The following IL1RAPL2 variants were observed in gnomAD, a reference collection of about 807,000 sequenced individuals.
IL1RAPL2 encodes the protein X-linked interleukin-1 receptor accessory protein-like 2.
Under a neutral mutation model 44.1 loss-of-function variants are expected in IL1RAPL2, and 3 were observed. That is an observed-to-expected ratio of 0.07 (90% CI 0.03 to 0.18). The LOEUF (loss-of-function observed/expected upper bound fraction) is 0.18. Ranked by LOEUF, IL1RAPL2 falls within the 10% of genes least tolerant of loss-of-function variation. The pLI is 1.00. For missense variants in IL1RAPL2, 391 were observed against 496.4 expected (o/e 0.79, Z 2.02); for synonymous variants, 181 against 178.8 (o/e 1.01, Z -0.10).
At chrX:105,075,711 A>C (rs764633044) in intron 2 of IL1RAPL2, among the ~76,000 whole-genome samples, 223 of 111,956 alleles carry the variant, frequency 2.0e-3, no homozygotes, top group African/African-American at 6.0e-3. Context: ...TTATTGCCTC[A>C]ATTTCAGAGC....
At chrX:104,786,585 A>G in intron 2 of IL1RAPL2, among the ~76,000 whole-genome samples, 2 of 111,509 alleles carry the variant, frequency 1.8e-5, no homozygotes, top group East Asian at 5.7e-4. Context: ...TAGCTTAACA[A>G]CTTAACCCCT....
intron 6 of IL1RAPL2, among the ~76,000 whole-genome samples, chrX:105,540,176 C>G (rs1455384426): frequency 9.0e-6 from 1 of 111,624 alleles, no homozygotes; most frequent in Non-Finnish European, 1.9e-5. Context: ...ACCCAGCAAT[C>G]CTGTTATCAG....
In IL1RAPL2 at chrX:105,075,835, T is replaced by C. The variant is rs750611796; in HGVS notation, c.83-119640T>C. Among the ~76,000 whole-genome samples, 4 of 111,977 alleles carry C rather than the reference T, an allele frequency of 3.6e-5. No individual in the cohort carries two copies. In the South Asian group the frequency reaches 1.1e-3, roughly 31 times the overall value. On this transcript the variant is annotated intron_variant, in intron 2 of 10. Transcript: ENST00000372582. ...ATTTTCTAGTTTATTTGTGTAGAGG[T>C]GTTTATGGTATTCTCTGATGGTAGT...
intron 5 of IL1RAPL2, among the ~76,000 whole-genome samples, chrX:105,399,148 T>C (rs1010088502): frequency 1.8e-5 from 2 of 111,786 alleles, no homozygotes; most frequent in African/African-American, 6.5e-5. Flanking sequence ...GCCACAAGAA[T>C]AGGAAGCTGG....
chrX:105,130,947 A>G (rs2033020441), intron 2 of IL1RAPL2, among the ~76,000 whole-genome samples: 1 of 111,255 alleles, frequency 9.0e-6, no homozygotes, highest in Non-Finnish European at 1.9e-5. Context: ...GAAAAGAGGA[A>G]AAGCAAATGT....
chrX:104,597,485 T>C (rs757781844), intron 1 of IL1RAPL2, among the ~76,000 whole-genome samples: 3 of 111,493 alleles, frequency 2.7e-5, no homozygotes, highest in Non-Finnish European at 3.8e-5. Flanking sequence ...TTGAGAAAAG[T>C]ATGGTTCTCT....
At chrX:105,515,307 GATAAA>G (rs937768677) in intron 6 of IL1RAPL2, among the ~76,000 whole-genome samples, 8 of 111,869 alleles carry the variant, frequency 7.2e-5, no homozygotes, top group Admixed American at 5.7e-4. Flanking sequence ...AAACTCTGTA[GATAAA>G]ATAAAATCCA....
chrX:105,662,621 G>C (rs993320485), intron 6 of IL1RAPL2, among the ~76,000 whole-genome samples: 1 of 112,094 alleles, frequency 8.9e-6, no homozygotes, highest in Non-Finnish European at 1.9e-5. Flanking sequence ...ACAAAGGCAG[G>C]TGTGTGTCAC....
chrX:105,185,580 G>T (rs2147607557), intron 2 of IL1RAPL2, among the ~76,000 whole-genome samples: 1 of 111,084 alleles, frequency 9.0e-6, no homozygotes, highest in East Asian at 2.8e-4. Flanking sequence ...TCCTTAAATT[G>T]GGTATCTTGT....
chrX:105,451,673 T>C (rs182380362), intron 5 of IL1RAPL2, among the ~76,000 whole-genome samples: 1 of 112,096 alleles, frequency 8.9e-6, no homozygotes, highest in Admixed American at 9.5e-5. Flanking sequence ...CAGATTAGTC[T>C]ATCCATAATA....
intron 3 of IL1RAPL2, among the ~76,000 whole-genome samples, chrX:105,216,814 C>T (rs145551202): frequency 9.0e-6 from 1 of 111,611 alleles, no homozygotes; most frequent in Admixed American, 9.5e-5. Context: ...CTACAACCAT[C>T]TGATCTTCGA....
At chrX:104,732,287 T>C (rs1931935567) in intron 2 of IL1RAPL2, among the ~76,000 whole-genome samples, 1 of 110,697 alleles carries the variant, frequency 9.0e-6, no homozygotes, top group African/African-American at 3.3e-5. Flanking sequence ...TAGAAATGAA[T>C]GAAATAGAAA....
chrX:105,616,709 T>G (rs2037379270), intron 6 of IL1RAPL2, among the ~76,000 whole-genome samples: 1 of 111,550 alleles, frequency 9.0e-6, no homozygotes, highest in Non-Finnish European at 1.9e-5. Flanking sequence ...GGCAGATATT[T>G]TGTCCTGATC....
In IL1RAPL2 at chrX:105,711,071, T is replaced by C. The variant is rs934890587; in HGVS notation, c.773-6296T>C. ...CAAAATGAGAGAATATATGTTTCTCTCCCTCTCAGTGAAGCTACACCCGGG... is the reference window on the plus strand; with the variant it reads ...CAAAATGAGAGAATATATGTTTCTCCCCCTCTCAGTGAAGCTACACCCGGG... On this transcript the variant is annotated intron_variant, in intron 6 of 10. Coordinates refer to ENST00000372582, the MANE Select transcript of IL1RAPL2 (RefSeq NM_017416.2). 3.7e-5 allele frequency among the ~76,000 whole-genome samples: 4 copies of C among 109,223 alleles called. No homozygotes were observed. In the East Asian group the frequency reaches 1.1e-3, roughly 31 times the overall value. 94.8% of individuals were successfully genotyped at this position (109,223 alleles called of 115,157 possible).
chrX:104,884,991 C>T (rs1252604166), intron 2 of IL1RAPL2, among the ~76,000 whole-genome samples: 1 of 111,512 alleles, frequency 9.0e-6, no homozygotes, highest in Non-Finnish European at 1.9e-5. Flanking sequence ...AAGTAGATGT[C>T]CCCTTCTCCC....
At chrX:104,905,557 G>A (rs1485680656) in intron 2 of IL1RAPL2, among the ~76,000 whole-genome samples, 1 of 111,747 alleles carries the variant, frequency 8.9e-6, no homozygotes, top group East Asian at 2.8e-4. Flanking sequence ...TTATTAAATA[G>A]GGAATCCTTT....
At chrX:105,046,217 C>T (rs777810718) in intron 2 of IL1RAPL2, among the ~76,000 whole-genome samples, 2 of 111,559 alleles carry the variant, frequency 1.8e-5, no homozygotes, top group African/African-American at 6.5e-5. Context: ...ATGACATCCA[C>T]ATATATGCTA....
intron 7 of IL1RAPL2, among the ~76,000 whole-genome samples, chrX:105,727,368 T>C (rs2038360826): frequency 8.9e-6 from 1 of 112,040 alleles, no homozygotes; most frequent in Non-Finnish European, 1.9e-5. Context: ...ATCTGAATGT[T>C]ATGTTATCAT....
intron 5 of IL1RAPL2, among the ~76,000 whole-genome samples, chrX:105,470,910 C>T (rs887002675): frequency 9.0e-5 from 10 of 111,456 alleles, no homozygotes; most frequent in African/African-American, 2.3e-4. Flanking sequence ...TTCTTCCCTT[C>T]GGTACCTGGC....
Sources: gnomAD v4.1 joint callset for allele counts (sites outside exome capture counted in the v4.1 genomes callset) on GRCh38, gnomAD v4.1.1 for gene constraint, MANE v1.5 for transcripts, NCBI Gene and HGNC (gene_info 2026-07-23, HGNC 2026-07-21) for gene names.